The following ALG6 variants were observed in gnomAD, a reference collection of about 807,000 sequenced individuals.
The protein encoded by ALG6 is ALG6 alpha-1,3-glucosyltransferase.
In ALG6, 46 loss-of-function variants were observed where a neutral mutation model predicts 66.6. That is an observed-to-expected ratio of 0.69 (90% CI 0.55 to 0.88). The LOEUF (loss-of-function observed/expected upper bound fraction) is 0.88, where lower values mean the gene tolerates loss of function less well. Ranked by LOEUF, ALG6 falls within the 40% of genes least tolerant of loss-of-function variation. The pLI is 0.00. For missense variants in ALG6, 505 were observed against 586.8 expected (o/e 0.86, Z 1.44); for synonymous variants, 185 against 203.7 (o/e 0.91, Z 0.78).
chr1:63,368,802 C>T (rs983395518), intron 1 of ALG6, among the ~76,000 whole-genome samples: 20 of 152,038 alleles, frequency 1.3e-4, no homozygotes, highest in African/African-American at 4.6e-4. Context: ...CGCCCAGCCC[C>T]TTTTATGCTT....
intron 5 of ALG6, among the ~76,000 whole-genome samples, chr1:63,405,482 C>T (rs1466713225): frequency 2.0e-5 from 3 of 152,138 alleles, no homozygotes; most frequent in African/African-American, 7.2e-5. Context: ...TAACATCCTA[C>T]AGGAATTTGA....
intron 2 of ALG6, among the ~76,000 whole-genome samples, chr1:63,384,786 T>C (rs1344882836): frequency 1.3e-5 from 2 of 152,200 alleles, no homozygotes; most frequent in African/African-American, 4.8e-5. Flanking sequence ...GAGTTCACTG[T>C]AGATGTGTGT....
chr1:63,377,444 C>T (rs547398011), intron 2 of ALG6, among the ~76,000 whole-genome samples: 35 of 152,066 alleles, frequency 2.3e-4, no homozygotes, highest in South Asian at 1.9e-3. Context: ...AATTTCCTTC[C>T]GCAATTGCTG....
chr1:63,411,854 T>G, intron 8 of ALG6, 72 bp from the exon 9 acceptor site: 9 of 1,591,486 alleles, frequency 5.7e-6, no homozygotes, highest in Non-Finnish European at 7.8e-6. Context: ...TTATGTTCAG[T>G]GAGACTCAGG....
intron 1 of ALG6, 91 bp from the exon 2 acceptor site, chr1:63,370,680 C>T (rs1392631948): frequency 2.0e-5 from 7 of 357,438 alleles, no homozygotes; most frequent in Non-Finnish European, 3.6e-5. Flanking sequence ...CCCCTCCCCT[C>T]GAATTCTCTA....
intron 2 of ALG6, among the ~76,000 whole-genome samples, chr1:63,386,144 C>G (rs1270918164): frequency 2.6e-5 from 4 of 152,142 alleles, no homozygotes; most frequent in Non-Finnish European, 5.9e-5. Flanking sequence ...TTGAGCCATT[C>G]TTGCATCCGT....
Position 63,437,479 on chromosome 1 carries a change from T to C in ALG6, c.*459T>C, listed in dbSNP as rs1644691342. On this transcript the variant is annotated 3_prime_UTR_variant, in exon 15 of 15. Transcript: ENST00000263440. ...AATTTTGGTATTCAAACTTACATTT[T>C]AGAATGCAAGTAGTGTGTATTTCAC... The C allele has an allele frequency of 5.7e-6, 1 of 174,786 alleles. No individual in the cohort carries two copies. The highest frequency in any genetic ancestry group is 1.2e-5 in the Non-Finnish European group (1 of 82,220). The allele number at this position is 174,786 out of a possible 1,614,324, so 10.8% of individuals were successfully genotyped here. A position where few individuals can be genotyped will look rare whatever the true frequency, so the allele number is the denominator to read the frequency against.
At chr1:63,389,422 G>T (rs147265489) in intron 2 of ALG6, among the ~76,000 whole-genome samples, 1 of 152,128 alleles carries the variant, frequency 6.6e-6, no homozygotes, top group African/African-American at 2.4e-5. Context: ...CAGAATTTCT[G>T]CTTGATTTTA....
At chr1:63,412,650 C>T (rs958054899) in intron 9 of ALG6, among the ~76,000 whole-genome samples, 1 of 151,820 alleles carries the variant, frequency 6.6e-6, no homozygotes, top group Non-Finnish European at 1.5e-5. Context: ...GATATATAAC[C>T]TTCATCCATA....
chr1:63,375,944 A>G (rs1648109492), intron 2 of ALG6, among the ~76,000 whole-genome samples: 1 of 152,162 alleles, frequency 6.6e-6, no homozygotes, highest in South Asian at 2.1e-4. Flanking sequence ...ATCAATGATT[A>G]TAGTTCCTTT....
rs1158006499 is a variant in ALG6 at position 63,418,481 on chromosome 1, G to A, written c.988-889G>A. 6.6e-5 allele frequency among the ~76,000 whole-genome samples: 10 copies of A among 152,020 alleles called. No homozygotes were observed. In the East Asian group the frequency reaches 1.7e-3, roughly 26 times the overall value. On this transcript the variant is annotated intron_variant, in intron 11 of 14. Coordinates refer to ENST00000263440, the MANE Select transcript of ALG6 (RefSeq NM_013339.4). The stretch of plus-strand genomic sequence containing the variant: ...TTGGCAAAAGGAGATGAATGAAGTG[G>A]CTGCTGTAAAATGAGTGAGGGAGAT...
chr1:63,402,237 C>G lies in ALG6; in HGVS notation c.168-17C>G, dbSNP rs536808870. The G allele has an allele frequency of 2.7e-4, 397 of 1,485,134 alleles. 3 individuals are homozygous for G. In the South Asian group the frequency reaches 4.3e-3, roughly 16 times the overall value. 92.0% of individuals were successfully genotyped at this position (1,485,134 alleles called of 1,614,324 possible). On this transcript the variant is annotated splice_polypyrimidine_tract_variant and intron_variant, in intron 3 of 14. Coordinates refer to ENST00000263440, the MANE Select transcript of ALG6 (RefSeq NM_013339.4). ...TTGATTAACGGAATGGTGCTTTCTT[C>G]TTTTTTTCTTTTTCAGGTATTTTAA...
chr1:63,395,281 G>A (rs555412873), intron 2 of ALG6, among the ~76,000 whole-genome samples: 96 of 152,244 alleles, frequency 6.3e-4, no homozygotes, highest in African/African-American at 1.6e-3. Context: ...TAATCAAACC[G>A]TAAAGCAATA....
intron 12 of ALG6, among the ~76,000 whole-genome samples, chr1:63,420,440 A>T (rs553314624): frequency 2.8e-4 from 43 of 152,258 alleles, no homozygotes; most frequent in Middle Eastern, 3.4e-3. Context: ...AGGACCTATA[A>T]TCTGACCAGA....
chr1:63,422,426 AATATAAATATAT>A (rs1185242283), intron 12 of ALG6, among the ~76,000 whole-genome samples: 708 of 34,696 alleles, frequency 0.02, 67 homozygotes, highest in Admixed American at 0.031. Context: ...TATATATATA[AATATAAATATAT>A]ATATAAATAT....
intron 3 of ALG6, 94 bp from the exon 4 acceptor site, chr1:63,402,160 A>T: frequency 1.2e-6 from 1 of 802,638 alleles, no homozygotes; most frequent in Non-Finnish European, 2.1e-6. Context: ...TTACATTATT[A>T]AGCTTAGATA....
intron 2 of ALG6, among the ~76,000 whole-genome samples, chr1:63,384,131 A>G (rs1014000472): frequency 2.0e-5 from 3 of 152,188 alleles, no homozygotes; most frequent in African/African-American, 4.8e-5. Context: ...GAGTGGAGCT[A>G]TCTTTTCAAT....
chr1:63,421,053 A>AT (rs1644570478), intron 12 of ALG6, among the ~76,000 whole-genome samples: 1 of 151,860 alleles, frequency 6.6e-6, no homozygotes. Context: ...ATAGACACTT[A>AT]TTAAAAAAAA....
At chr1:63,429,392 C>T (rs771743947) in intron 14 of ALG6, 1 of 339,678 alleles carries the variant, frequency 2.9e-6, no homozygotes. Context: ...TCCTAACTCC[C>T]TTCCTTGGAC....
Sources: allele counts gnomAD v4.1 joint callset (sites outside exome capture counted in the v4.1 genomes callset), GRCh38; gene constraint gnomAD v4.1.1; transcripts MANE v1.5; gene names NCBI Gene and HGNC (gene_info 2026-07-23, HGNC 2026-07-21).